GPC6: variants seen among roughly 807,000 people sequenced by gnomAD.
GPC6 encodes the protein glypican-6.
Under a neutral mutation model 55.2 loss-of-function variants are expected in GPC6, and 14 were observed. That is an observed-to-expected ratio of 0.25 (90% CI 0.17 to 0.40). The LOEUF (loss-of-function observed/expected upper bound fraction) is 0.40. Among genes scored for constraint, GPC6 ranks in the 10% least tolerant of loss-of-function variants. The probability of loss-of-function intolerance (pLI) is 1.00; values close to 1 mark genes in which losing one functional copy is unlikely to be tolerated. For synonymous variants in GPC6, 278 were observed against 259.6 expected (o/e 1.07, Z -0.68); for missense variants, 641 against 708.5 (o/e 0.90, Z 1.08).
chr13:93,868,661 CTACATA>C (rs1889041610), intron 3 of GPC6, among the ~76,000 whole-genome samples: 1 of 151,784 alleles, frequency 6.6e-6, no homozygotes, highest in African/African-American at 2.4e-5. Flanking sequence ...ATATCTGGTA[CTACATA>C]GAAGTATTTG....
At chr13:94,032,358 G>A (rs1018363621) in intron 4 of GPC6, among the ~76,000 whole-genome samples, 6 of 152,122 alleles carry the variant, frequency 3.9e-5, no homozygotes, top group African/African-American at 1.4e-4. Context: ...TTAGTCAGCG[G>A]GGAGTCAGAG....
intron 7 of GPC6, among the ~76,000 whole-genome samples, chr13:94,383,843 G>T (rs1319709485): frequency 6.6e-6 from 1 of 152,166 alleles, no homozygotes; most frequent in Non-Finnish European, 1.5e-5. Flanking sequence ...TTACAATCAT[G>T]GCAGAAGACA....
intron 4 of GPC6, among the ~76,000 whole-genome samples, chr13:94,188,820 G>C (rs770972039): frequency 6.6e-6 from 1 of 152,162 alleles, no homozygotes; most frequent in Non-Finnish European, 1.5e-5. Context: ...AAGAAAGAGA[G>C]ACTGAGACTC....
intron 4 of GPC6, among the ~76,000 whole-genome samples, chr13:94,218,751 ACAGCAGTGGCTCTC>A (rs1890295100): frequency 1.3e-5 from 2 of 152,126 alleles, no homozygotes; most frequent in African/African-American, 4.8e-5. Context: ...CCCAGCCTTT[ACAGCAGTGGCTCTC>A]AAACTTTACT....
At chr13:94,223,048 T>C (rs1156441839) in intron 4 of GPC6, among the ~76,000 whole-genome samples, 1 of 152,140 alleles carries the variant, frequency 6.6e-6, no homozygotes, top group Non-Finnish European at 1.5e-5. Flanking sequence ...GAAGAATGGC[T>C]ATAATTTCCT....
chr13:93,977,013 TATA>T (rs1392748841), intron 3 of GPC6, among the ~76,000 whole-genome samples: 2 of 152,164 alleles, frequency 1.3e-5, no homozygotes, highest in Non-Finnish European at 2.9e-5. Flanking sequence ...TCTGTTAAAT[TATA>T]ATAAGTGATG....
chr13:93,801,242 G>C (rs953599955), intron 2 of GPC6, among the ~76,000 whole-genome samples: 1 of 152,152 alleles, frequency 6.6e-6, no homozygotes, highest in Non-Finnish European at 1.5e-5. Flanking sequence ...GTGTCACTGG[G>C]AACAAGTTAT....
chr13:94,071,176 A>T (rs979194160), intron 4 of GPC6, among the ~76,000 whole-genome samples: 2 of 152,208 alleles, frequency 1.3e-5, no homozygotes, highest in African/African-American at 4.8e-5. Context: ...ATTATTCATT[A>T]TATTCCTTTG....
intron 3 of GPC6, among the ~76,000 whole-genome samples, chr13:93,944,945 A>T (rs1878930886): frequency 6.6e-6 from 1 of 152,114 alleles, no homozygotes; most frequent in Admixed American, 6.5e-5. Context: ...TGACCACATA[A>T]GCGATGTAAA....
Position 94,041,146 on chromosome 13 carries a change from A to T in GPC6, c.877+13252A>T, listed in dbSNP as rs536319152. On this transcript the variant is annotated intron_variant, in intron 4 of 8. Transcript: ENST00000377047. ...TAAGAAAAGTTTAATTTAGAGTTAC[A>T]TCCGGACATTTATAAGATGCAGACA... 9.9e-5 allele frequency among the ~76,000 whole-genome samples: 15 copies of T among 152,002 alleles called. No homozygotes were observed. In the East Asian group the frequency reaches 2.5e-3, roughly 26 times the overall value.
intron 4 of GPC6, among the ~76,000 whole-genome samples, chr13:94,154,702 G>A (rs1887865417): frequency 6.6e-6 from 1 of 152,086 alleles, no homozygotes; most frequent in Admixed American, 6.6e-5. Context: ...AAAAAAAAGG[G>A]CACCAGAAGC....
At chr13:93,824,389 G>A (rs1197311425) in intron 2 of GPC6, among the ~76,000 whole-genome samples, 1 of 152,194 alleles carries the variant, frequency 6.6e-6, no homozygotes. Context: ...TAACTCTAAT[G>A]TAGCATGCTG....
At chr13:93,450,764 G>A (rs1555301381) in intron 1 of GPC6, 1 of 887,800 alleles carries the variant, frequency 1.1e-6, no homozygotes, top group Non-Finnish European at 1.4e-6. Flanking sequence ...TGAACCTTTA[G>A]GAAATAGTTT....
chr13:94,284,774 C>G (rs1353659621), intron 4 of GPC6, among the ~76,000 whole-genome samples: 2 of 151,622 alleles, frequency 1.3e-5, no homozygotes, highest in African/African-American at 2.4e-5. Context: ...TACATTCACA[C>G]TATTTAATGA....
chr13:93,512,401 T>A (rs1881015556), intron 1 of GPC6, among the ~76,000 whole-genome samples: 1 of 152,094 alleles, frequency 6.6e-6, no homozygotes, highest in Non-Finnish European at 1.5e-5. Context: ...TTATATAAAA[T>A]GTTTTTTGTG....
At chr13:93,665,046 A>G (rs1468393721) in intron 2 of GPC6, among the ~76,000 whole-genome samples, 1 of 152,218 alleles carries the variant, frequency 6.6e-6, no homozygotes, top group Admixed American at 6.5e-5. Flanking sequence ...ATCAGCTATC[A>G]GGGTAGAGCA....
chr13:93,662,144 A>G (rs758024262), intron 2 of GPC6, among the ~76,000 whole-genome samples: 2 of 152,224 alleles, frequency 1.3e-5, no homozygotes, highest in Admixed American at 6.5e-5. Context: ...GTGCTCTCCA[A>G]GGCTTGTGAA....
chr13:94,298,169 T>C (rs1368888760), intron 5 of GPC6, among the ~76,000 whole-genome samples: 2 of 152,244 alleles, frequency 1.3e-5, no homozygotes, highest in African/African-American at 4.8e-5. Flanking sequence ...AGATAAATGC[T>C]GTTAGAAATC....
At chr13:93,557,793 T>A (rs1409624632) in intron 2 of GPC6, among the ~76,000 whole-genome samples, 1 of 152,214 alleles carries the variant, frequency 6.6e-6, no homozygotes, top group Non-Finnish European at 1.5e-5. Flanking sequence ...TTTTAACTAA[T>A]ATAAGTTTTA....
Sources: gnomAD v4.1 joint callset for allele counts (sites outside exome capture counted in the v4.1 genomes callset) on GRCh38, gnomAD v4.1.1 for gene constraint, MANE v1.5 for transcripts, NCBI Gene and HGNC (gene_info 2026-07-23, HGNC 2026-07-21) for gene names.